The following BICRA variants were observed in gnomAD, a reference collection of about 807,000 sequenced individuals.
BICRA encodes BRD4 interacting chromatin remodeling complex associated protein.
A neutral mutation model predicts 96.9 loss-of-function variants in BICRA; 31 were observed. That is an observed-to-expected ratio of 0.32 (90% CI 0.24 to 0.43). The LOEUF (loss-of-function observed/expected upper bound fraction) is 0.43. BICRA is among the 20% of genes least tolerant of loss of function. The probability of loss-of-function intolerance (pLI) is 1.00; values close to 1 mark genes in which losing one functional copy is unlikely to be tolerated. For missense variants in BICRA, 2,283 were observed against 2,190.3 expected (o/e 1.04, Z -0.84); for synonymous variants, 1,350 against 1,071.8 (o/e 1.26, Z -5.07).
At chr19:47,610,737 C>T (rs1335823897) in intron 1 of BICRA, among the ~76,000 whole-genome samples, 1 of 152,072 alleles carries the variant, frequency 6.6e-6, no homozygotes, top group Non-Finnish European at 1.5e-5. Context: ...GCATCAAGGC[C>T]TGAGATTCAT....
intron 2 of BICRA, among the ~76,000 whole-genome samples, chr19:47,671,725 G>C (rs1400340153): frequency 6.8e-6 from 1 of 146,874 alleles, no homozygotes; most frequent in Non-Finnish European, 1.5e-5. Context: ...ATGGGTAGAA[G>C]GATGGAGGGG....
At position 47,698,829 on chromosome 19, in the gene BICRA, G is replaced by A; in HGVS notation, c.3397+47G>A. 6.7e-7 allele frequency: 1 copy of A among 1,496,770 alleles called. No individual in the cohort carries two copies. Among genetic ancestry groups the A allele is most frequent in the Non-Finnish European group, 9.1e-7 (1 of 1,095,496 alleles). The allele number at this position is 1,496,770 out of a possible 1,614,324, so 92.7% of individuals were successfully genotyped here. Reference sequence around the variant, plus strand: ...GCCCTATATGTCCCAGGGGACCCCAGCCCGTGGGGCGGGGCGTCGCCAGTG... The same window carrying A: ...GCCCTATATGTCCCAGGGGACCCCAACCCGTGGGGCGGGGCGTCGCCAGTG... On this transcript the variant is annotated intron_variant, in intron 12 of 14. Transcript: ENST00000594866. The surrounding 1 kb of genome is among the most constrained non-coding windows in gnomAD (Gnocchi z 4.8).
intron 1 of BICRA, among the ~76,000 whole-genome samples, chr19:47,621,126 C>G: frequency 6.6e-6 from 1 of 152,150 alleles, no homozygotes; most frequent in East Asian, 1.9e-4. Context: ...ACCGAGGCTC[C>G]ATGAGTTCTG....
Position 47,694,999 on chromosome 19 carries a change from G to C in BICRA, c.2995G>C (p.Val999Leu), listed in dbSNP as rs1161885079. ...GCCCCTCACCAGCCCCGCTGCGTCTGTGCTGGTCAGTGGGCAGGCCCCATC... is the reference window on the plus strand; with the variant it reads ...GCCCCTCACCAGCCCCGCTGCGTCTCTGCTGGTCAGTGGGCAGGCCCCATC... ...LGPLTSPAASVLVSGQAPSGT... is the reference protein window; with the variant it reads ...LGPLTSPAASLLVSGQAPSGT... The change falls in exon 9 of 15, where the codon GTG becomes CTG. Residue 999 changes from valine to leucine, a missense_variant. By Grantham distance (32) the Val-to-Leu change is conservative (BLOSUM62 1). Coordinates refer to ENST00000594866, the MANE Select transcript of BICRA (RefSeq NM_001394372.1). 6.5e-7 allele frequency: 1 copy of C among 1,541,896 alleles called. No individual in the cohort carries two copies. The highest frequency in any genetic ancestry group is 2.3e-5 in the East Asian group (1 of 42,788).
At position 47,680,960 on chromosome 19, in the gene BICRA, A is replaced by G; in HGVS notation, c.1790A>G (p.Asn597Ser). ...TLPPSAVAML[N>S]TPDGLVQPAT... ...CCCCCCAGCGCCGTGGCCATGCTCA[A>G]CACCCCCGACGGCCTGGTGCAGCCG... is the stretch of plus-strand genomic sequence containing the variant. Residue 597 changes from asparagine (N) to serine (S), a missense_variant, in exon 6 of 15, where the codon AAC becomes AGC. Transcript: ENST00000594866. The G allele has an allele frequency of 1.4e-6, 2 of 1,477,834 alleles. No individual in the cohort carries two copies. The highest frequency in any genetic ancestry group is 2.4e-5 in the Admixed American group (1 of 41,338). 91.5% of individuals were successfully genotyped at this position (1,477,834 alleles called of 1,614,324 possible).
intron 1 of BICRA, among the ~76,000 whole-genome samples, chr19:47,641,793 T>G (rs925455560): frequency 4.6e-5 from 7 of 152,176 alleles, no homozygotes; most frequent in African/African-American, 1.7e-4. Context: ...GAGTAATATA[T>G]ATATATTTTT....
At chr19:47,640,013 G>T (rs1220905716) in intron 1 of BICRA, among the ~76,000 whole-genome samples, 1 of 152,118 alleles carries the variant, frequency 6.6e-6, no homozygotes, top group Non-Finnish European at 1.5e-5. Flanking sequence ...CAGTGGCATG[G>T]TATTCCACTG....
chr19:47,653,884 G>A (rs1027744152), intron 1 of BICRA, among the ~76,000 whole-genome samples: 3 of 152,122 alleles, frequency 2.0e-5, no homozygotes, highest in Admixed American at 2.0e-4. Flanking sequence ...CCAGGCTGGA[G>A]TGCAGTGGCG....
At chr19:47,608,767 GC>G (rs1005172712), upstream of BICRA, among the ~76,000 whole-genome samples, 4 of 151,650 alleles carry the variant, frequency 2.6e-5, no homozygotes, top group South Asian at 8.3e-4. Flanking sequence ...GCCTGGCGGG[GC>G]CGGGGCTGGT....
intron 1 of BICRA, 116 bp from the exon 2 acceptor site, chr19:47,670,327 C>A: frequency 6.6e-6 from 1 of 152,460 alleles, no homozygotes. Context: ...CTTCCATCCC[C>A]CTCCTTTGTC....
chr19:47,619,177 A>AGT (rs930639100), intron 1 of BICRA, among the ~76,000 whole-genome samples: 2 of 123,848 alleles, frequency 1.6e-5, no homozygotes, highest in African/African-American at 6.3e-5. Context: ...TTTCGTGGAC[A>AGT]GTGTATATAT....
At chr19:47,647,238 G>GCC (rs1972473309) in intron 1 of BICRA, among the ~76,000 whole-genome samples, 1 of 151,926 alleles carries the variant, frequency 6.6e-6, no homozygotes, top group Non-Finnish European at 1.5e-5. Flanking sequence ...TCTGAATGAT[G>GCC]CCGTATGAAT....
In BICRA at chr19:47,648,852, AT is replaced by A. The variant is rs1359940506; in HGVS notation, c.-107-21574del. Among the ~76,000 whole-genome samples, 849 of 125,140 alleles carry A rather than the reference AT, an allele frequency of 6.8e-3. 9 individuals are homozygous for A. Among genetic ancestry groups the A allele is most frequent in the African/African-American group, 0.017 (559 of 33,568 alleles). The allele number at this position is 125,140 out of a possible 152,430, so 82.1% of individuals were successfully genotyped here. On this transcript the variant is annotated intron_variant, in intron 1 of 14. Coordinates refer to ENST00000594866, the MANE Select transcript of BICRA (RefSeq NM_001394372.1). ...CAGGCGTGCACCACCACGCTGGGCT[AT>A]TTTTTTTTTTTTTTTTGAGGCGGAG...
intron 1 of BICRA, among the ~76,000 whole-genome samples, chr19:47,664,680 T>G (rs1306021884): frequency 6.6e-6 from 1 of 152,158 alleles, no homozygotes; most frequent in African/African-American, 2.4e-5. Flanking sequence ...TTCGGCTGTG[T>G]GATGCCACAG....
Position 47,701,894 on chromosome 19 carries a change from C to T in BICRA, c.4162C>T (p.Arg1388Cys). 2.1e-6 allele frequency: 3 copies of T among 1,452,250 alleles called. No individual in the cohort carries two copies. Among genetic ancestry groups the T allele is most frequent in the Non-Finnish European group, 2.7e-6 (3 of 1,110,382 alleles). The allele number at this position is 1,452,250 out of a possible 1,614,324, so 90.0% of individuals were successfully genotyped here. ...TAPHCPRLPLRKTYRENVGGP... is the reference protein window; with the variant it reads ...TAPHCPRLPLCKTYRENVGGP... ...CCCGCACTGCCCGCGCCTGCCACTGCGCAAGACCTACCGCGAGAACGTGGG... is the reference window on the plus strand; with the variant it reads ...CCCGCACTGCCCGCGCCTGCCACTGTGCAAGACCTACCGCGAGAACGTGGG... Residue 1388 changes from arginine to cysteine, a missense_variant, in exon 15 of 15, where the codon CGC becomes TGC. Arg to Cys is a radical substitution (Grantham distance 180). Coordinates refer to ENST00000594866, the MANE Select transcript of BICRA (RefSeq NM_001394372.1). This position sits in a 1 kb window ranked among gnomAD's most constrained non-coding sequence, Gnocchi z 5.4.
chr19:47,628,963 C>G (rs1972179535), intron 1 of BICRA, among the ~76,000 whole-genome samples: 1 of 151,802 alleles, frequency 6.6e-6, no homozygotes, highest in African/African-American at 2.4e-5. Flanking sequence ...TATTATGTAA[C>G]AGATCTCCAG....
intron 1 of BICRA, among the ~76,000 whole-genome samples, chr19:47,627,337 G>C (rs1255770294): frequency 6.6e-6 from 1 of 152,146 alleles, no homozygotes; most frequent in Non-Finnish European, 1.5e-5. Flanking sequence ...CCCCTACCTT[G>C]TTCAGCCTCA....
intron 1 of BICRA, among the ~76,000 whole-genome samples, chr19:47,610,486 A>AG (rs1404420163): frequency 6.6e-6 from 1 of 152,064 alleles, no homozygotes; most frequent in East Asian, 1.9e-4. Flanking sequence ...GTGGGGTCAG[A>AG]GGCCGCGGTG....
At chr19:47,641,335 G>A (rs908988192) in intron 1 of BICRA, among the ~76,000 whole-genome samples, 3 of 151,934 alleles carry the variant, frequency 2.0e-5, no homozygotes, top group Non-Finnish European at 2.9e-5. Context: ...CCATCATCAC[G>A]ATCAGGATAC....
Sources: allele counts gnomAD v4.1 joint callset (sites outside exome capture counted in the v4.1 genomes callset), GRCh38; gene constraint gnomAD v4.1.1; non-coding constraint Gnocchi (gnomAD v3.1); transcripts MANE v1.5; gene names NCBI Gene and HGNC (gene_info 2026-07-23, HGNC 2026-07-21).